The following ITGBL1 variants were observed in gnomAD, a reference collection of about 807,000 sequenced individuals.
ITGBL1 encodes integrin subunit beta like 1, also known as integrin beta-like protein 1.
A neutral mutation model predicts 68.5 loss-of-function variants in ITGBL1; 51 were observed. The ratio of observed to expected loss-of-function variants is 0.74; its 90% confidence interval spans 0.59 to 0.94. ITGBL1 has a LOEUF of 0.94. Ranked by LOEUF, ITGBL1 falls within the 40% of genes least tolerant of loss-of-function variation. The pLI is 0.00. For synonymous variants in ITGBL1, 209 were observed against 227.3 expected (o/e 0.92, Z 0.72); for missense variants, 649 against 647.4 (o/e 1.00, Z -0.03).
At chr13:101,682,696 A>G (rs1220334813) in intron 7 of ITGBL1, among the ~76,000 whole-genome samples, 1 of 152,012 alleles carries the variant, frequency 6.6e-6, no homozygotes, top group African/African-American at 2.4e-5. Flanking sequence ...TAACTTATAC[A>G]CATAGTAATG....
At chr13:101,643,574 C>T (rs1291578717) in intron 7 of ITGBL1, among the ~76,000 whole-genome samples, 2 of 152,076 alleles carry the variant, frequency 1.3e-5, no homozygotes, top group African/African-American at 2.4e-5. Flanking sequence ...GAATAAAGTC[C>T]ACTGTGATCA....
chr13:101,556,308 G>C (rs890374972), intron 2 of ITGBL1, among the ~76,000 whole-genome samples: 8 of 152,164 alleles, frequency 5.3e-5, no homozygotes, highest in Non-Finnish European at 1.2e-4. Flanking sequence ...GAGTAGAGTG[G>C]GTCCTTAATC....
At chr13:101,567,952 TTGAG>T (rs1226008812) in intron 3 of ITGBL1, 107 bp downstream of exon 3, 3 of 832,694 alleles carry the variant, frequency 3.6e-6, no homozygotes, top group Admixed American at 5.6e-5. Flanking sequence ...GAGTCTGCTT[TTGAG>T]TATGTTTTTT....
At chr13:101,586,369 A>T (rs2050557908) in intron 6 of ITGBL1, among the ~76,000 whole-genome samples, 1 of 152,222 alleles carries the variant, frequency 6.6e-6, no homozygotes, top group South Asian at 2.1e-4. Context: ...AAGTGAATTG[A>T]ACATGGCCAG....
At chr13:101,551,998 A>G (rs777367764) in intron 2 of ITGBL1, among the ~76,000 whole-genome samples, 4 of 152,118 alleles carry the variant, frequency 2.6e-5, no homozygotes, top group Non-Finnish European at 4.4e-5. Context: ...ATGGGAAGAT[A>G]TTCCTTTTTG....
At chr13:101,699,192 G>T (rs1162153249) in intron 8 of ITGBL1, among the ~76,000 whole-genome samples, 1 of 152,192 alleles carries the variant, frequency 6.6e-6, no homozygotes, top group East Asian at 1.9e-4. Context: ...CCTGTTTCGT[G>T]AATTTGTAAG....
At chr13:101,671,687 C>G (rs549401667) in intron 7 of ITGBL1, among the ~76,000 whole-genome samples, 17 of 152,002 alleles carry the variant, frequency 1.1e-4, no homozygotes, top group Non-Finnish European at 2.4e-4. Flanking sequence ...ATCCGCCCAC[C>G]TCTGCCTCCC....
At chr13:101,660,004 G>T (rs1016143381) in intron 7 of ITGBL1, among the ~76,000 whole-genome samples, 3 of 152,056 alleles carry the variant, frequency 2.0e-5, no homozygotes, top group African/African-American at 7.2e-5. Flanking sequence ...ATTTGCTGTG[G>T]AGACTGTTCT....
chr13:101,516,665 A>G (rs2049200762), intron 2 of ITGBL1, among the ~76,000 whole-genome samples: 1 of 152,212 alleles, frequency 6.6e-6, no homozygotes, highest in Admixed American at 6.5e-5. Flanking sequence ...TCTTTGAATT[A>G]ACAAGCAAGG....
At chr13:101,630,054 C>A (rs2031925751) in intron 7 of ITGBL1, among the ~76,000 whole-genome samples, 1 of 152,124 alleles carries the variant, frequency 6.6e-6, no homozygotes. Context: ...GAACTCCTGA[C>A]CTTGTGATCC....
chr13:101,596,040 CATAT>C (rs1873745365), intron 6 of ITGBL1, among the ~76,000 whole-genome samples: 1 of 74,808 alleles, frequency 1.3e-5, no homozygotes, highest in African/African-American at 5.0e-5. Flanking sequence ...CATATATTTA[CATAT>C]GTGTGTGTGT....
At chr13:101,576,155 A>T (rs2050354942) in intron 4 of ITGBL1, among the ~76,000 whole-genome samples, 1 of 152,206 alleles carries the variant, frequency 6.6e-6, no homozygotes, top group African/African-American at 2.4e-5. Flanking sequence ...TAGGCTAAGA[A>T]TTATGTTTAT....
chr13:101,579,499 T>C (rs2050420167), intron 5 of ITGBL1, 72 bp downstream of exon 5: 1 of 1,487,886 alleles, frequency 6.7e-7, no homozygotes, highest in Non-Finnish European at 9.2e-7. Flanking sequence ...ACTTCTTTTC[T>C]TTGTATTTCC....
chr13:101,583,145 G>A (rs1215117214), intron 5 of ITGBL1, 71 bp from the exon 6 acceptor site: 19 of 1,421,712 alleles, frequency 1.3e-5, no homozygotes, highest in Non-Finnish European at 1.8e-5. Context: ...AAAATAATAA[G>A]CGATATGTGA....
At chr13:101,717,770 G>T (rs2034781199), downstream of ITGBL1, 2 of 152,068 alleles carry the variant, frequency 1.3e-5, no homozygotes, top group African/African-American at 2.4e-5. Context: ...GATTTGGCTG[G>T]CAGCTGGGCA....
chr13:101,513,731 C>T (rs910320093), intron 2 of ITGBL1, among the ~76,000 whole-genome samples: 1 of 151,814 alleles, frequency 6.6e-6, no homozygotes, highest in Non-Finnish European at 1.5e-5. Context: ...AACCATTGAC[C>T]CCATGAAATC....
chr13:101,591,913 T>C (rs934577089), intron 6 of ITGBL1, among the ~76,000 whole-genome samples: 1 of 152,186 alleles, frequency 6.6e-6, no homozygotes, highest in South Asian at 2.1e-4. Flanking sequence ...TCTACTTGCT[T>C]ATAATGTGGG....
intron 2 of ITGBL1, among the ~76,000 whole-genome samples, chr13:101,491,506 A>G (rs2048776142): frequency 6.6e-6 from 1 of 152,188 alleles, no homozygotes; most frequent in Non-Finnish European, 1.5e-5. Flanking sequence ...AATTGTAACA[A>G]CTTTTCCTCC....
At chr13:101,606,332 C>G (rs917093341) in intron 7 of ITGBL1, among the ~76,000 whole-genome samples, 6 of 150,922 alleles carry the variant, frequency 4.0e-5, no homozygotes, top group African/African-American at 1.5e-4. Flanking sequence ...ATTCTGTATC[C>G]TGTGATTCCT....
Sources: gnomAD v4.1 joint callset for allele counts (sites outside exome capture counted in the v4.1 genomes callset) on GRCh38, gnomAD v4.1.1 for gene constraint, MANE v1.5 for transcripts, NCBI Gene and HGNC (gene_info 2026-07-23, HGNC 2026-07-21) for gene names.